Variants in DCLK1 observed in about 807,000 individuals in gnomAD.
The protein encoded by DCLK1 is doublecortin like kinase 1, also known as serine/threonine-protein kinase DCLK1.
DCLK1 carries 16 observed loss-of-function variants against 86.2 expected under a neutral mutation model. The observed-to-expected ratio is 0.19, with a 90% CI of 0.13 to 0.28. The LOEUF is 0.28. Ranked by LOEUF, DCLK1 falls within the 10% of genes least tolerant of loss-of-function variation. The pLI, the probability that DCLK1 is intolerant of heterozygous loss-of-function variation, is 1.00. For synonymous variants in DCLK1, 369 were observed against 370.5 expected (o/e 1.00, Z 0.05); for missense variants, 590 against 940.2 (o/e 0.63, Z 4.87).
At chr13:35,844,966 G>A (rs886696140) in intron 6 of DCLK1, among the ~76,000 whole-genome samples, 10 of 152,028 alleles carry the variant, frequency 6.6e-5, no homozygotes, top group East Asian at 1.9e-4. Flanking sequence ...ATATTTTTTC[G>A]TCTGGGTACA....
At chr13:36,029,060 C>T (rs1451623849) in intron 3 of DCLK1, among the ~76,000 whole-genome samples, 3 of 152,194 alleles carry the variant, frequency 2.0e-5, no homozygotes, top group Non-Finnish European at 4.4e-5. Flanking sequence ...TATGCAGTAG[C>T]CATGCTTTTG....
At chr13:35,989,896 G>A (rs1214306206) in intron 3 of DCLK1, among the ~76,000 whole-genome samples, 1 of 151,948 alleles carries the variant, frequency 6.6e-6, no homozygotes, top group Non-Finnish European at 1.5e-5. Context: ...TTTCACCTTA[G>A]AAGAAAATAT....
At chr13:35,829,433 CAA>C (rs1251282257) in intron 8 of DCLK1, among the ~76,000 whole-genome samples, 1 of 152,024 alleles carries the variant, frequency 6.6e-6, no homozygotes. Flanking sequence ...CCAATGGACA[CAA>C]ATAGTAATGA....
Position 36,092,965 on chromosome 13 carries a change from C to CAA in DCLK1, c.723+18902_723+18903dup, listed in dbSNP as rs78194441. 1.1e-3 allele frequency among the ~76,000 whole-genome samples: 171 copies of CAA among 150,164 alleles called. 1 individual carries two copies. The South Asian group carries it at 0.014, about 12-fold the overall frequency. ...TTAGAAGCTTGAAAATAAGACAAGT[C>CAA]AAAAAAAAAGAAAAAAATGGCTTTG... On this transcript the variant is annotated intron_variant, in intron 3 of 16. Transcript: ENST00000360631.
At chr13:36,125,419 C>T (rs76549772) in intron 2 of DCLK1, among the ~76,000 whole-genome samples, 1,707 of 152,156 alleles carry the variant, frequency 0.011, 29 homozygotes, top group African/African-American at 0.039. Context: ...ATCGTGATAG[C>T]AAAAGTTTAA....
chr13:36,021,637 G>T (rs576009563), intron 3 of DCLK1, among the ~76,000 whole-genome samples: 1 of 152,016 alleles, frequency 6.6e-6, no homozygotes, highest in African/African-American at 2.4e-5. Flanking sequence ...GGCAAAAATT[G>T]TTCCTAGAGA....
At chr13:35,952,418 G>T (rs1286110400) in intron 3 of DCLK1, among the ~76,000 whole-genome samples, 1 of 152,182 alleles carries the variant, frequency 6.6e-6, no homozygotes. Context: ...GTGGGACACG[G>T]TTTATACCAC....
At chr13:36,085,893 T>C (rs74721171) in intron 3 of DCLK1, among the ~76,000 whole-genome samples, 9,980 of 152,190 alleles carry the variant, frequency 0.066, 497 homozygotes, top group African/African-American at 0.14. Flanking sequence ...GAATAAACAG[T>C]CAGGAACCCC....
intron 4 of DCLK1, among the ~76,000 whole-genome samples, chr13:35,946,158 G>A (rs1018834155): frequency 2.6e-5 from 4 of 152,038 alleles, no homozygotes; most frequent in Non-Finnish European, 5.9e-5. Context: ...GACTGCAGGC[G>A]TGCACCACCA....
At chr13:35,905,795 A>T (rs1644973813) in intron 4 of DCLK1, among the ~76,000 whole-genome samples, 1 of 151,930 alleles carries the variant, frequency 6.6e-6, no homozygotes, top group Non-Finnish European at 1.5e-5. Context: ...AAAATCCAAA[A>T]AAAGTAGCCA....
chr13:36,110,313 T>C (rs1355628905), intron 3 of DCLK1, among the ~76,000 whole-genome samples: 1 of 152,164 alleles, frequency 6.6e-6, no homozygotes, highest in Non-Finnish European at 1.5e-5. Context: ...TTACGACATT[T>C]AGGCTACAGA....
chr13:35,951,796 C>T (rs1429766556), intron 3 of DCLK1, among the ~76,000 whole-genome samples: 1 of 152,174 alleles, frequency 6.6e-6, no homozygotes, highest in Admixed American at 6.5e-5. Flanking sequence ...CCAGCTCTTG[C>T]TCTGCCACCA....
intron 6 of DCLK1, among the ~76,000 whole-genome samples, chr13:35,845,124 T>G (rs9601454): frequency 0.015 from 2,351 of 152,234 alleles, 45 homozygotes; most frequent in African/African-American, 0.052. Context: ...GGTACACACC[T>G]GTAATTCTAG....
chr13:35,963,200 T>C (rs1474595953), intron 3 of DCLK1, among the ~76,000 whole-genome samples: 1 of 152,184 alleles, frequency 6.6e-6, no homozygotes, highest in Admixed American at 6.5e-5. Context: ...AAATGAACAA[T>C]GTCTCTTCTA....
intron 16 of DCLK1, among the ~76,000 whole-genome samples, chr13:35,777,233 G>A (rs2086438898): frequency 6.6e-6 from 1 of 152,170 alleles, no homozygotes; most frequent in Admixed American, 6.5e-5. Context: ...ATGGGCATGT[G>A]TCATGAGTGG....
rs2086352716 is a variant in DCLK1 at position 35,772,606 on chromosome 13, A to G, written c.*1929T>C. 6.6e-6 allele frequency: 1 copy of G among 151,396 alleles called. No individual in the cohort carries two copies. Among genetic ancestry groups the G allele is most frequent in the Non-Finnish European group, 1.5e-5 (1 of 67,870 alleles). 9.4% of individuals were successfully genotyped at this position (151,396 alleles called of 1,614,324 possible). A position where few individuals can be genotyped will look rare whatever the true frequency, so the allele number is the denominator to read the frequency against. On this transcript the variant is annotated 3_prime_UTR_variant, in exon 17 of 17. Coordinates refer to ENST00000360631, the MANE Select transcript of DCLK1 (RefSeq NM_001330071.2). ...CCACCTCCCCCCCAAAAACAACTCA[A>G]CTAATTTACTGATTTATGCTACTTT...
chr13:35,799,488 T>A (rs1220862573), intron 15 of DCLK1, among the ~76,000 whole-genome samples: 1 of 152,140 alleles, frequency 6.6e-6, no homozygotes, highest in Admixed American at 6.5e-5. Context: ...CGACCTCAGG[T>A]TATCTGCCCG....
intron 3 of DCLK1, among the ~76,000 whole-genome samples, chr13:36,047,508 A>G (rs1176384290): frequency 2.6e-5 from 4 of 152,186 alleles, no homozygotes; most frequent in Admixed American, 1.3e-4. Context: ...ATTTAGCCTT[A>G]AAAAAAGAAG....
chr13:35,848,272 A>G (rs568265316), intron 6 of DCLK1: 21 of 984,712 alleles, frequency 2.1e-5, no homozygotes, highest in South Asian at 4.7e-5. Context: ...TAAATCACCA[A>G]TTCTGTTCCA....
Sources: allele counts gnomAD v4.1 joint callset (sites outside exome capture counted in the v4.1 genomes callset), GRCh38; gene constraint gnomAD v4.1.1; transcripts MANE v1.5; gene names NCBI Gene and HGNC (gene_info 2026-07-23, HGNC 2026-07-21).